Variants in TMEM62 observed in about 807,000 individuals in gnomAD.
TMEM62 encodes the protein transmembrane protein 62.
Under a neutral mutation model 70.4 loss-of-function variants are expected in TMEM62, and 41 were observed. That is an observed-to-expected ratio of 0.58 (90% CI 0.45 to 0.76). The LOEUF is 0.76. TMEM62 is among the 30% of genes least tolerant of loss of function. The probability of loss-of-function intolerance (pLI) is 0.00; values close to 1 mark genes in which losing one functional copy is unlikely to be tolerated. For missense variants in TMEM62, 688 were observed against 788.5 expected, an observed-to-expected ratio of 0.87 and a Z score of 1.53; for synonymous variants, 268 against 291.0, an observed-to-expected ratio of 0.92 and a Z score of 0.80.
intron 3 of TMEM62, among the ~76,000 whole-genome samples, chr15:43,137,650 G>C (rs1436008094): frequency 2.0e-5 from 3 of 152,310 alleles, no homozygotes; most frequent in Non-Finnish European, 2.9e-5. Context: ...GATGTGCACC[G>C]GGCTGTACTT....
At chr15:43,141,868 G>A (rs991575807) in intron 4 of TMEM62, among the ~76,000 whole-genome samples, 1 of 152,220 alleles carries the variant, frequency 6.6e-6, no homozygotes, top group Non-Finnish European at 1.5e-5. Context: ...AACTGTAAAT[G>A]TGGAAATAGC....
chr15:43,179,826 G>A (rs893160359), intron 12 of TMEM62: 1 of 152,176 alleles, frequency 6.6e-6, no homozygotes, highest in African/African-American at 2.4e-5. Context: ...ATGATTCTGT[G>A]TAAGCTATGG....
intron 11 of TMEM62, 134 bp downstream of exon 11, chr15:43,169,811 C>A (rs2039997305): frequency 1.5e-6 from 1 of 686,068 alleles, no homozygotes; most frequent in African/African-American, 1.8e-5. Flanking sequence ...CTCAAGAAGC[C>A]TTGAGTAAAT....
Position 43,177,259 on chromosome 15 carries a change from G to A in TMEM62, c.1382-1348G>A, listed in dbSNP as rs539212178. On this transcript the variant is annotated intron_variant, in intron 11 of 13. Transcript: ENST00000260403. ...AAAAACACATGAAAAAATACTCACC[G>A]TCACTGGCCATCAGAGAAATGGAAA... Among the ~76,000 whole-genome samples the A allele has an allele frequency of 4.6e-5, 7 of 152,124 alleles. No homozygotes were observed. The South Asian group carries it at 6.2e-4, about 14-fold the overall frequency.
At chr15:43,175,469 C>T (rs2040621218) in intron 11 of TMEM62, among the ~76,000 whole-genome samples, 1 of 152,188 alleles carries the variant, frequency 6.6e-6, no homozygotes, top group Non-Finnish European at 1.5e-5. Context: ...CCTCAGCTGA[C>T]TGGTTTATGG....
rs562743428 is a variant in TMEM62, at chr15:43,161,206, A to T, written c.1296+412A>T. Among the ~76,000 whole-genome samples, 4 of 152,356 alleles carry T rather than the reference A, an allele frequency of 2.6e-5. No individual in the cohort carries two copies. In the East Asian group the frequency reaches 7.7e-4, roughly 29 times the overall value. On this transcript the variant is annotated intron_variant, in intron 10 of 13. Coordinates refer to ENST00000260403, the MANE Select transcript of TMEM62 (RefSeq NM_024956.4). ...ACATATGACAAGAAAGTTGAATCTT[A>T]TAAAATTAAAGGTTAGTTATTTGTC...
chr15:43,164,451 CTTT>C (rs943352342), intron 10 of TMEM62, among the ~76,000 whole-genome samples: 2 of 134,760 alleles, frequency 1.5e-5, no homozygotes, highest in Admixed American at 7.4e-5. Context: ...TTTTTCTTTT[CTTT>C]TTTTTTTTTT....
At chr15:43,152,017 C>A in intron 8 of TMEM62, 72 bp downstream of exon 8, 1 of 1,226,464 alleles carries the variant, frequency 8.2e-7, no homozygotes, top group Non-Finnish European at 1.1e-6. Flanking sequence ...GATTGCATTC[C>A]CATGTGAAAG....
rs77490874 is a variant in TMEM62, at chr15:43,159,825, C to T, written c.1183-856C>T. ...TTGAGACCGCAACCTGGGCACCAGCCTAGGTAGCTCATTACTGTTAGCTTT... is the reference window on the plus strand; with the variant it reads ...TTGAGACCGCAACCTGGGCACCAGCTTAGGTAGCTCATTACTGTTAGCTTT... On this transcript the variant is annotated intron_variant, in intron 9 of 13. Transcript: ENST00000260403. 2.5e-3 allele frequency among the ~76,000 whole-genome samples: 379 copies of T among 152,208 alleles called. 2 individuals carry two copies. Among genetic ancestry groups the T allele is most frequent in the African/African-American group, 8.9e-3 (368 of 41,536 alleles).
At chr15:43,167,086 G>A (rs1177286143) in intron 10 of TMEM62, among the ~76,000 whole-genome samples, 1 of 151,928 alleles carries the variant, frequency 6.6e-6, no homozygotes, top group Non-Finnish European at 1.5e-5. Flanking sequence ...CGGGCAGAGG[G>A]GCTCCTCACT....
Position 43,148,884 on chromosome 15 carries a change from G to C in TMEM62, c.743+5G>C, listed in dbSNP as rs145253262. On this transcript the variant is annotated splice_donor_5th_base_variant and intron_variant, in intron 6 of 13. Transcript: ENST00000260403. The stretch of plus-strand genomic sequence containing the variant: ...AGGAATCCGGTCAATAATGAGGTGA[G>C]ACAAGCTTCCAAAATCAGAATTAAT... 7 of 1,607,432 alleles carry C rather than the reference G, an allele frequency of 4.4e-6. No homozygotes were observed. The highest frequency in any genetic ancestry group is 5.9e-6 in the Non-Finnish European group (7 of 1,178,146).
chr15:43,135,880 T>TTTA (rs984689482), intron 3 of TMEM62: 8 of 363,204 alleles, frequency 2.2e-5, no homozygotes, highest in African/African-American at 6.4e-5. Flanking sequence ...TGCTTCTTTT[T>TTTA]TTATTATTAT....
intron 9 of TMEM62, among the ~76,000 whole-genome samples, chr15:43,156,606 C>A (rs1173775488): frequency 6.6e-6 from 1 of 152,026 alleles, no homozygotes; most frequent in Admixed American, 6.6e-5. Context: ...GATATACATA[C>A]AACTTCTGTA....
chr15:43,184,910 A>C lies in TMEM62; in HGVS notation c.*324A>C. The C allele has an allele frequency of 2.9e-6, 1 of 346,354 alleles. No individual in the cohort carries two copies. The highest frequency in any genetic ancestry group is 5.3e-6 in the Non-Finnish European group (1 of 188,734). 21.5% of individuals were successfully genotyped at this position (346,354 alleles called of 1,614,324 possible). A position where few individuals can be genotyped will look rare whatever the true frequency, so the allele number is the denominator to read the frequency against. ...GTGTGTACGGGAGTGTCTGAGGCCC[A>C]GTGTGTTTTTTAGGGTTACCCCATG... On this transcript the variant is annotated 3_prime_UTR_variant, in exon 14 of 14. Coordinates refer to ENST00000260403, the MANE Select transcript of TMEM62 (RefSeq NM_024956.4).
chr15:43,160,733 A>G lies in TMEM62; in HGVS notation c.1235A>G (p.Asn412Ser). The G allele has an allele frequency of 1.2e-6, 2 of 1,613,190 alleles. No individual in the cohort carries two copies. Among genetic ancestry groups the G allele is most frequent in the Non-Finnish European group, 8.5e-7 (1 of 1,179,448 alleles). Residue 412 changes from asparagine (N) to serine (S), a missense_variant, in exon 10 of 14, where the codon AAT becomes AGT. Physicochemically the swap from Asn to Ser is conservative, Grantham distance 46. Coordinates refer to ENST00000260403, the MANE Select transcript of TMEM62 (RefSeq NM_024956.4). The stretch of plus-strand genomic sequence containing the variant: ...CACCACATATTTTCTGTTCAAGAGA[A>G]TAATCATCTCAGTTTTGATCCCCTG... ...SVHHIFSVQENNHLSFDPLAS... is the reference protein window; with the variant it reads ...SVHHIFSVQESNHLSFDPLAS...
At chr15:43,145,230 A>G (rs1344579252) in intron 4 of TMEM62, among the ~76,000 whole-genome samples, 3 of 126,290 alleles carry the variant, frequency 2.4e-5, no homozygotes, top group Admixed American at 8.5e-5. Context: ...TTTGAGACAG[A>G]GTCTCATTCT....
chr15:43,135,342 C>T (rs1365118449), intron 2 of TMEM62, among the ~76,000 whole-genome samples, 170 bp from the exon 3 acceptor site: 1 of 152,164 alleles, frequency 6.6e-6, no homozygotes, highest in African/African-American at 2.4e-5. Flanking sequence ...CTGAGAAAAT[C>T]TTGTTAGTTT....
chr15:43,159,879 C>T (rs1303648423), intron 9 of TMEM62, among the ~76,000 whole-genome samples: 1 of 152,030 alleles, frequency 6.6e-6, no homozygotes, highest in Non-Finnish European at 1.5e-5. Flanking sequence ...TTTTAGGGAA[C>T]AGAGGGAAAT....
intron 1 of TMEM62, 121 bp from the exon 2 acceptor site, chr15:43,134,136 G>C (rs1370367829): frequency 2.0e-5 from 29 of 1,447,380 alleles, no homozygotes; most frequent in East Asian, 7.3e-5. Context: ...CCTTACCTGG[G>C]GGGTTCGTTA....
Sources: gnomAD v4.1 joint callset for allele counts (sites outside exome capture counted in the v4.1 genomes callset) on GRCh38, gnomAD v4.1.1 for gene constraint, MANE v1.5 for transcripts, NCBI Gene and HGNC (gene_info 2026-07-23, HGNC 2026-07-21) for gene names.